Variants in CCDC3 observed in about 807,000 individuals in gnomAD.
CCDC3 encodes the protein coiled-coil domain containing 3, also known as coiled-coil domain-containing protein 3.
CCDC3 carries 24 observed loss-of-function variants against 21.4 expected under a neutral mutation model. The ratio of observed to expected loss-of-function variants is 1.12; its 90% CI spans 0.81 to 1.58. The LOEUF (loss-of-function observed/expected upper bound fraction) is 1.58. Ranked by LOEUF, CCDC3 falls within the 40% of genes most tolerant of loss-of-function variation. The pLI is 0.00. For synonymous variants in CCDC3, 186 were observed against 166.0 expected (o/e 1.12, Z -0.93); for missense variants, 425 against 360.9 (o/e 1.18, Z -1.44).
intron 3 of CCDC3, among the ~76,000 whole-genome samples, chr10:13,098,067 A>G (rs1428695816): frequency 6.6e-6 from 1 of 152,200 alleles, no homozygotes; most frequent in Non-Finnish European, 1.5e-5. Context: ...AAGGTCCTAC[A>G]GCTAAGAAGT....
At chr10:13,054,154 CAA>C (rs71386143) in intron 4 of CCDC3, among the ~76,000 whole-genome samples, 45 of 99,866 alleles carry the variant, frequency 4.5e-4, no homozygotes, top group African/African-American at 8.3e-4. Flanking sequence ...GACTCTGTAT[CAA>C]AAAAAAAAAA....
intron 3 of CCDC3, chr10:13,074,153 A>ATATATATATTTTTTTTT (rs1365749317): frequency 1.6e-5 from 1 of 64,290 alleles, no homozygotes; most frequent in African/African-American, 6.9e-5. Context: ...ATATATATAT[A>ATATATATATTTTTTTTT]TTTTTTTTTT....
In CCDC3 at chr10:12,939,886, G is replaced by T. The variant is rs940524963; in HGVS notation, c.550-41207C>A. On this transcript the variant is annotated intron_variant, in intron 2 of 2. Coordinates refer to ENST00000378825, the MANE Select transcript of CCDC3 (RefSeq NM_031455.4). The stretch of plus-strand genomic sequence containing the variant: ...ATTTAATAAAAATTTCAACCATTTT[G>T]CTAATTCACTTGGCTAATTCTAAGA... 2.0e-5 allele frequency among the ~76,000 whole-genome samples: 3 copies of T among 152,280 alleles called. No individual in the cohort carries two copies. The East Asian group carries it at 5.8e-4, about 29-fold the overall frequency.
chr10:13,003,059 T>C (rs1202969882), upstream of CCDC3, among the ~76,000 whole-genome samples: 1 of 152,192 alleles, frequency 6.6e-6, no homozygotes, highest in Non-Finnish European at 1.5e-5. Flanking sequence ...CTTCAACATA[T>C]GAATTTGGAG....
chr10:13,005,022 T>G (rs1835909840), upstream of CCDC3, among the ~76,000 whole-genome samples: 1 of 152,172 alleles, frequency 6.6e-6, no homozygotes. Context: ...CTGATCCTAT[T>G]TCTTTCAAGT....
chr10:13,044,582 C>G (rs1274796484), intron 5 of CCDC3, among the ~76,000 whole-genome samples: 1 of 152,180 alleles, frequency 6.6e-6, no homozygotes, highest in African/African-American at 2.4e-5. Flanking sequence ...GCTATCCCAG[C>G]ACCATTTATT....
At chr10:13,048,736 TC>T (rs773994448) in intron 5 of CCDC3, among the ~76,000 whole-genome samples, 16 of 152,052 alleles carry the variant, frequency 1.1e-4, no homozygotes, top group Non-Finnish European at 2.1e-4. Context: ...TCCCTGTGGG[TC>T]CCCTGGTCAT....
At chr10:12,915,812 T>A (rs1398118732) in intron 2 of CCDC3, among the ~76,000 whole-genome samples, 4 of 152,174 alleles carry the variant, frequency 2.6e-5, no homozygotes, top group African/African-American at 9.7e-5. Flanking sequence ...GTGGTGGACC[T>A]TGACCCTGGA....
At chr10:13,037,938 G>A (rs561309738) in intron 5 of CCDC3, among the ~76,000 whole-genome samples, 4 of 152,212 alleles carry the variant, frequency 2.6e-5, no homozygotes, top group Admixed American at 1.3e-4. Context: ...AGTGGAGGAG[G>A]GAAACTAACA....
chr10:13,028,860 C>G (rs577226594), intron 5 of CCDC3, among the ~76,000 whole-genome samples: 1 of 152,296 alleles, frequency 6.6e-6, no homozygotes, highest in East Asian at 1.9e-4. Context: ...AGGAATTATT[C>G]TGGACATTGC....
At chr10:12,986,043 C>CT (rs61586916) in intron 2 of CCDC3, among the ~76,000 whole-genome samples, 17 of 152,194 alleles carry the variant, frequency 1.1e-4, no homozygotes, top group Admixed American at 2.6e-4. Flanking sequence ...GCCCAGTTAA[C>CT]TTTTTTTGTA....
intron 2 of CCDC3, among the ~76,000 whole-genome samples, chr10:12,973,346 A>G (rs1288649180): frequency 6.6e-6 from 1 of 152,098 alleles, no homozygotes; most frequent in African/African-American, 2.4e-5. Context: ...GTTAAGTCAC[A>G]GCTGAATGGA....
At chr10:13,013,399 C>T (rs1300477722) in intron 5 of CCDC3, among the ~76,000 whole-genome samples, 2 of 152,162 alleles carry the variant, frequency 1.3e-5, no homozygotes, top group African/African-American at 4.8e-5. Flanking sequence ...CTTAAAGGGG[C>T]TCCCAGTGAT....
intron 2 of CCDC3, among the ~76,000 whole-genome samples, chr10:12,990,199 G>A (rs1053935558): frequency 1.3e-5 from 2 of 151,058 alleles, no homozygotes; most frequent in Admixed American, 6.6e-5. Flanking sequence ...GGAGCTTGCA[G>A]TGAGCCAAGA....
chr10:13,035,090 C>T (rs1205672506), intron 5 of CCDC3, among the ~76,000 whole-genome samples: 1 of 151,526 alleles, frequency 6.6e-6, no homozygotes, highest in Non-Finnish European at 1.5e-5. Flanking sequence ...GAGGAAACCC[C>T]TACGAAGCCC....
chr10:12,969,335 C>A (rs996463714), intron 2 of CCDC3, among the ~76,000 whole-genome samples: 1 of 152,018 alleles, frequency 6.6e-6, no homozygotes, highest in African/African-American at 2.4e-5. Context: ...GAAAAGAGAA[C>A]CTTTGTAACA....
At chr10:13,052,685 A>G (rs1161645956) in intron 4 of CCDC3, among the ~76,000 whole-genome samples, 2 of 152,034 alleles carry the variant, frequency 1.3e-5, no homozygotes. Flanking sequence ...CATGTCTATA[A>G]TCCCAGCACT....
At chr10:13,062,525 C>A (rs1431901345) in intron 4 of CCDC3, among the ~76,000 whole-genome samples, 2 of 152,278 alleles carry the variant, frequency 1.3e-5, no homozygotes, top group African/African-American at 4.8e-5. Flanking sequence ...GATATTGAAA[C>A]CCCCTTTGGA....
rs1487686819 is a variant in CCDC3, at chr10:13,001,254, T to C, written c.317A>G (p.Tyr106Cys). The change falls in exon 1 of 3, where the codon TAC becomes TGC. Residue 106 changes from tyrosine (Y) to cysteine (C), a missense_variant. Tyr to Cys is a radical substitution (Grantham distance 194, BLOSUM62 -2). Coordinates refer to ENST00000378825, the MANE Select transcript of CCDC3 (RefSeq NM_031455.4). Reference protein sequence around the residue: ...GSRLNLTGLGYFSCHSHTVVQ... With the variant: ...GSRLNLTGLGCFSCHSHTVVQ... ...CACGGTGTGGGAGTGGCACGAGAAG[T>C]AGCCCAGGCCGGTGAGGTTGAGCCT... The C allele has an allele frequency of 5.0e-6, 8 of 1,592,448 alleles. No homozygotes were observed. The African/African-American group carries it at 9.4e-5, about 19-fold the overall frequency.
Sources: allele counts gnomAD v4.1 joint callset (sites outside exome capture counted in the v4.1 genomes callset), GRCh38; gene constraint gnomAD v4.1.1; transcripts MANE v1.5; gene names NCBI Gene and HGNC (gene_info 2026-07-23, HGNC 2026-07-21).